Variants in PHF21A observed in about 807,000 individuals in gnomAD.
The protein encoded by PHF21A is BHC80a.
Under a neutral mutation model 82.5 loss-of-function variants are expected in PHF21A, and 11 were observed. The ratio of observed to expected loss-of-function variants is 0.13; its 90% CI spans 0.08 to 0.22. The LOEUF (loss-of-function observed/expected upper bound fraction) is 0.22. Ranked by LOEUF, PHF21A falls within the 10% of genes least tolerant of loss-of-function variation. PHF21A has a pLI of 1.00. For synonymous variants in PHF21A, 297 were observed against 302.8 expected, an observed-to-expected ratio of 0.98 and a Z score of 0.20; for missense variants, 579 against 837.8, an observed-to-expected ratio of 0.69 and a Z score of 3.81.
Position 45,966,781 on chromosome 11 carries a change from A to G in PHF21A, c.703-1173T>C, listed in dbSNP as rs2093462550. Among the ~76,000 whole-genome samples, 3 of 151,922 alleles carry G rather than the reference A, an allele frequency of 2.0e-5. 1 individual carries two copies. The South Asian group carries it at 6.2e-4, about 32-fold the overall frequency. On this transcript the variant is annotated intron_variant, in intron 9 of 18. Coordinates refer to ENST00000676320, the MANE Select transcript of PHF21A (RefSeq NM_001352027.3). ...GCTACAGGCACATGCCAGCACGCCC[A>G]GCTAATTTTGTATTTTTAGTACGGA...
At chr11:46,035,463 C>G (rs2095978628) in intron 6 of PHF21A, among the ~76,000 whole-genome samples, 1 of 152,178 alleles carries the variant, frequency 6.6e-6, no homozygotes, top group South Asian at 2.1e-4. Context: ...ATTCAGTACA[C>G]TACATTGTGT....
chr11:46,067,598 C>A (rs116135958), intron 6 of PHF21A, among the ~76,000 whole-genome samples: 41 of 145,248 alleles, frequency 2.8e-4, no homozygotes, highest in South Asian at 4.4e-4. Flanking sequence ...CCACCCCCCA[C>A]AAAAAAAAAA....
chr11:45,950,920 A>T (rs749219364), intron 11 of PHF21A, among the ~76,000 whole-genome samples: 1 of 152,214 alleles, frequency 6.6e-6, no homozygotes, highest in Non-Finnish European at 1.5e-5. Flanking sequence ...TTCAGGAATG[A>T]CAGCAGGTGT....
chr11:46,059,194 C>T (rs2096499783), intron 6 of PHF21A, among the ~76,000 whole-genome samples: 1 of 152,110 alleles, frequency 6.6e-6, no homozygotes, highest in African/African-American at 2.4e-5. Flanking sequence ...AGGATGTACA[C>T]TGCAGAGCTA....
At chr11:46,022,807 G>A (rs2095657240) in intron 6 of PHF21A, among the ~76,000 whole-genome samples, 1 of 151,992 alleles carries the variant, frequency 6.6e-6, no homozygotes, top group African/African-American at 2.4e-5. Flanking sequence ...TTTTGAGACG[G>A]AGTCTCGGTC....
intron 6 of PHF21A, among the ~76,000 whole-genome samples, chr11:46,023,878 C>T (rs2095683175): frequency 1.3e-5 from 2 of 152,202 alleles, no homozygotes; most frequent in Non-Finnish European, 2.9e-5. Flanking sequence ...ATTGCTTGAA[C>T]CCAGGAGGCG....
intron 10 of PHF21A, among the ~76,000 whole-genome samples, chr11:45,958,048 C>T (rs2092794745): frequency 6.6e-6 from 1 of 152,008 alleles, no homozygotes; most frequent in African/African-American, 2.4e-5. Flanking sequence ...AAAACACACA[C>T]ATTACCAAAA....
chr11:45,942,831 A>G (rs1370597577), intron 15 of PHF21A, among the ~76,000 whole-genome samples: 1 of 152,184 alleles, frequency 6.6e-6, no homozygotes. Context: ...TTCAAGGGAC[A>G]TTTTATCTTA....
At chr11:45,938,653 G>A (rs1481376360) in intron 15 of PHF21A, among the ~76,000 whole-genome samples, 2 of 152,148 alleles carry the variant, frequency 1.3e-5, no homozygotes, top group African/African-American at 4.8e-5. Context: ...GGCACAATAA[G>A]AGATTAACAA....
chr11:45,949,331 AG>A, intron 13 of PHF21A, 70 bp downstream of exon 13: 1 of 1,242,892 alleles, frequency 8.0e-7, no homozygotes, highest in Non-Finnish European at 1.2e-6. Context: ...AGGTTTTCAG[AG>A]GGGAGGCACT....
In PHF21A at chr11:45,932,341, T is replaced by C. The variant is rs891257254; in HGVS notation, c.*1627A>G. ...TAGCAGAATCTGAGAAGACCACGGG[T>C]AGGGCCCTGATACCATCCACGCTTC... On this transcript the variant is annotated 3_prime_UTR_variant, in exon 19 of 19. Transcript: ENST00000676320. The surrounding 1 kb of genome is among the most constrained non-coding windows in gnomAD (Gnocchi z 4.3). 1 of 152,218 alleles carries C rather than the reference T, an allele frequency of 6.6e-6. No individual in the cohort carries two copies. The highest frequency in any genetic ancestry group is 6.5e-5 in the Admixed American group (1 of 15,284). The allele number at this position is 152,218 out of a possible 1,614,324, so 9.4% of individuals were successfully genotyped here.
At chr11:46,067,091 CT>C (rs1210891871) in intron 6 of PHF21A, among the ~76,000 whole-genome samples, 1 of 152,070 alleles carries the variant, frequency 6.6e-6, no homozygotes, top group Non-Finnish European at 1.5e-5. Context: ...TTATGTATTA[CT>C]TACTTATGTA....
chr11:46,051,253 A>G (rs1042584548), intron 6 of PHF21A, among the ~76,000 whole-genome samples: 2 of 152,168 alleles, frequency 1.3e-5, no homozygotes, highest in Non-Finnish European at 2.9e-5. Flanking sequence ...GTAAATAGTC[A>G]ATTGCAAATT....
chr11:45,966,517 C>T (rs562197905), intron 9 of PHF21A, among the ~76,000 whole-genome samples: 1 of 152,342 alleles, frequency 6.6e-6, no homozygotes, highest in South Asian at 2.1e-4. Context: ...AACATGAGGT[C>T]AGCCTTGCTT....
intron 12 of PHF21A, 59 bp from the exon 13 acceptor site, chr11:45,949,540 C>T: frequency 7.4e-7 from 1 of 1,350,274 alleles, no homozygotes; most frequent in Non-Finnish European, 1.1e-6. Flanking sequence ...AAAAACTTAA[C>T]TTCATTGTTT....
At chr11:46,058,331 T>A (rs984385828) in intron 6 of PHF21A, among the ~76,000 whole-genome samples, 1 of 152,204 alleles carries the variant, frequency 6.6e-6, no homozygotes. Context: ...CTGTGTCACA[T>A]TGTTGGTAAA....
At chr11:46,004,915 CAG>C (rs2095256246) in intron 6 of PHF21A, among the ~76,000 whole-genome samples, 1 of 152,164 alleles carries the variant, frequency 6.6e-6, no homozygotes, top group Non-Finnish European at 1.5e-5. Flanking sequence ...AGAAAAAACA[CAG>C]GGAAACAGAT....
At position 46,010,045 on chromosome 11, in the gene PHF21A, C is replaced by T. The variant is rs1481142370; in HGVS notation, c.154-30079G>A. On this transcript the variant is annotated intron_variant, in intron 6 of 18. Coordinates refer to ENST00000676320, the MANE Select transcript of PHF21A (RefSeq NM_001352027.3). ...AAAAATTTTGGGGAAGTCTGAGGAA[C>T]ATTCATTTAGTTGCTTAACCATATC... 3.3e-5 allele frequency among the ~76,000 whole-genome samples: 5 copies of T among 152,268 alleles called. No individual in the cohort carries two copies. In the East Asian group the frequency reaches 7.7e-4, roughly 23 times the overall value.
chr11:46,055,034 T>C (rs911788310), intron 6 of PHF21A, among the ~76,000 whole-genome samples: 1 of 152,182 alleles, frequency 6.6e-6, no homozygotes, highest in Non-Finnish European at 1.5e-5. Flanking sequence ...TTTATATGGA[T>C]CTACAGGTTA....
Sources: allele counts gnomAD v4.1 joint callset (sites outside exome capture counted in the v4.1 genomes callset), GRCh38; gene constraint gnomAD v4.1.1; non-coding constraint Gnocchi (gnomAD v3.1); transcripts MANE v1.5; gene names NCBI Gene and HGNC (gene_info 2026-07-23, HGNC 2026-07-21).